The following PRRC2C variants were observed in gnomAD, a reference collection of about 807,000 sequenced individuals.
The protein encoded by PRRC2C is protein PRRC2C.
PRRC2C carries 72 observed loss-of-function variants against 317.2 expected under a neutral mutation model. That is an observed-to-expected ratio of 0.23 (90% confidence interval 0.19 to 0.28). The LOEUF (loss-of-function observed/expected upper bound fraction) is 0.28, where lower values mean the gene tolerates loss of function less well. PRRC2C is among the 10% of genes least tolerant of loss of function. The pLI is 1.00. For missense variants in PRRC2C, 3,074 were observed against 3,459.7 expected (o/e 0.89, Z 2.80); for synonymous variants, 1,296 against 1,205.9 (o/e 1.07, Z -1.55).
intron 33 of PRRC2C, 27 bp from the exon 34 acceptor site, chr1:171,589,331 AACAGTTCAATG>A: frequency 1.8e-6 from 1 of 562,470 alleles, no homozygotes; most frequent in Non-Finnish European, 2.4e-6. Flanking sequence ...TTTTTTTTTT[AACAGTTCAATG>A]TTGTATGTTT....
Position 171,523,536 on chromosome 1 carries a change from T to TA in PRRC2C, c.1055+14_1055+15insA. ...AGAGAATAACAGGTAAGTTGTGATA[T>TA]CTTTTACTAATAACAGTATGAATTT... On this transcript the variant is annotated intron_variant, in intron 9 of 34. Transcript: ENST00000647382. 1 of 1,578,690 alleles carries TA rather than the reference T, an allele frequency of 6.3e-7. No individual in the cohort carries two copies. The highest frequency in any genetic ancestry group is 8.7e-7 in the Non-Finnish European group (1 of 1,151,836).
chr1:171,506,601 C>CTT (rs71107322), intron 1 of PRRC2C, among the ~76,000 whole-genome samples: 55,599 of 135,494 alleles, frequency 0.41, 12,504 homozygotes, highest in South Asian at 0.57. Flanking sequence ...CACTTAAGGT[C>CTT]TTTTTTTTTT....
In PRRC2C at chr1:171,541,830, T is replaced by C. The variant is rs1363357994; in HGVS notation, c.4364T>C (p.Val1455Ala). The C allele has an allele frequency of 6.2e-7, 1 of 1,613,788 alleles. No individual in the cohort carries two copies. Among genetic ancestry groups the C allele is most frequent in the Non-Finnish European group, 8.5e-7 (1 of 1,179,856 alleles). ...REAASKSNEV[V>A]AVPTNGTVNN... is the part of the protein sequence containing the mutation. Reference sequence around the variant, plus strand: ...GCTGCTTCAAAATCAAATGAGGTGGTAGCAGTGCCCACAAATGGCACAGTT... The same window carrying C: ...GCTGCTTCAAAATCAAATGAGGTGGCAGCAGTGCCCACAAATGGCACAGTT... The change falls in exon 16 of 35, where the codon GTA (valine) becomes GCA (alanine). Residue 1455 changes from valine (V) to alanine (A), a missense_variant. Val to Ala is a moderately conservative substitution (Grantham distance 64, BLOSUM62 0). This residue lies in a region of PRRC2C where 1,320 missense variants were observed against 1,395.7 expected (regional missense o/e 0.95). Coordinates refer to ENST00000647382, the MANE Select transcript of PRRC2C (RefSeq NM_001387844.1). The surrounding 1 kb of genome is among the most constrained non-coding windows in gnomAD (Gnocchi z 4.1).
rs76634985 is a variant in PRRC2C at position 171,504,623 on chromosome 1, A to G, written c.-57-7409A>G. ...AGACTCTATTCTGCTCCACTGAACT[A>G]TTTGTCTTATTTTTACACCAGTACC... is the stretch of plus-strand genomic sequence containing the variant. On this transcript the variant is annotated intron_variant, in intron 1 of 34. Transcript: ENST00000647382. Among the ~76,000 whole-genome samples, 1,377 of 151,976 alleles carry G rather than the reference A, an allele frequency of 9.1e-3. 48 individuals are homozygous for G. Among genetic ancestry groups the G allele is most frequent in the East Asian group, 0.068 (352 of 5,166 alleles).
At position 171,587,180 on chromosome 1, in the gene PRRC2C, C is replaced by T; in HGVS notation, c.7927C>T (p.Pro2643Ser). Residue 2643 changes from proline (P) to serine (S), a missense_variant, in exon 31 of 35, where the codon CCT (proline) becomes TCT (serine). Physicochemically the swap from Pro to Ser is moderately conservative, Grantham distance 74. Transcript: ENST00000647382. The stretch of plus-strand genomic sequence containing the variant: ...AAGCCAGCCTTTCAGAGGATTAATT[C>T]CTGCTGGAACACAGCATAGCATGAT... Reference protein sequence around the residue: ...QVSQPFRGLIPAGTQHSMIAT... With the variant: ...QVSQPFRGLISAGTQHSMIAT... The T allele has an allele frequency of 1.9e-6, 3 of 1,608,888 alleles. No individual in the cohort carries two copies. The highest frequency in any genetic ancestry group is 2.5e-6 in the Non-Finnish European group (3 of 1,177,606).
chr1:171,585,474 A>G (rs1458078377), intron 30 of PRRC2C, among the ~76,000 whole-genome samples: 1 of 152,138 alleles, frequency 6.6e-6, no homozygotes, highest in Non-Finnish European at 1.5e-5. Context: ...TCATTTTCTT[A>G]TAACTGTTGT....
intron 10 of PRRC2C, among the ~76,000 whole-genome samples, chr1:171,527,415 G>C (rs966766361): frequency 2.0e-5 from 3 of 152,080 alleles, no homozygotes; most frequent in African/African-American, 7.2e-5. Context: ...TTACACGTGT[G>C]AATCACCGCA....
chr1:171,543,950 A>G (rs1678515934), intron 16 of PRRC2C, among the ~76,000 whole-genome samples: 1 of 152,292 alleles, frequency 6.6e-6, no homozygotes, highest in East Asian at 1.9e-4. Flanking sequence ...AGACCCGTTC[A>G]TGGTAACTAA....
chr1:171,572,567 A>G (rs1234169811), intron 24 of PRRC2C, among the ~76,000 whole-genome samples: 5 of 152,218 alleles, frequency 3.3e-5, no homozygotes, highest in Admixed American at 6.5e-5. Context: ...ATAAAATTTT[A>G]TAAGACAACA....
intron 6 of PRRC2C, among the ~76,000 whole-genome samples, chr1:171,520,411 G>A (rs1398129608): frequency 6.6e-6 from 1 of 152,110 alleles, no homozygotes; most frequent in Non-Finnish European, 1.5e-5. Context: ...TAGGAAAGAG[G>A]GGAAACCACG....
At position 171,535,431 on chromosome 1, in the gene PRRC2C, A is replaced by G. The variant is rs772749050; in HGVS notation, c.1877A>G (p.Glu626Gly). 3.1e-6 allele frequency: 5 copies of G among 1,612,254 alleles called. No homozygotes were observed. The highest frequency in any genetic ancestry group is 4.2e-6 in the Non-Finnish European group (5 of 1,179,386). Residue 626 changes from glutamate (E) to glycine (G), a missense_variant, in exon 13 of 35, where the codon GAG becomes GGG. Transcript: ENST00000647382. The stretch of plus-strand genomic sequence containing the variant: ...CTTTCACCTTTTCTTTGAGCAGAGG[A>G]GGAACCCGTTTTCACTAGACAAGAC... ...QESENSCNKE[E>G]EPVFTRQDSN... is the part of the protein sequence containing the mutation.
At chr1:171,530,277 A>T (rs1388701818) in intron 11 of PRRC2C, among the ~76,000 whole-genome samples, 3 of 126,422 alleles carry the variant, frequency 2.4e-5, no homozygotes, top group Non-Finnish European at 3.2e-5. Flanking sequence ...TGCGCAACAG[A>T]GTCTTGCTCT....
At chr1:171,578,792 G>A (rs1647814361) in intron 26 of PRRC2C, among the ~76,000 whole-genome samples, 1 of 151,806 alleles carries the variant, frequency 6.6e-6, no homozygotes, top group South Asian at 2.1e-4. Flanking sequence ...CCCGGGAGGT[G>A]GAGGTTGCAG....
chr1:171,578,038 C>T (rs1647540781), intron 26 of PRRC2C, among the ~76,000 whole-genome samples: 1 of 150,056 alleles, frequency 6.7e-6, no homozygotes, highest in South Asian at 2.1e-4. Flanking sequence ...TCAAGTGATC[C>T]TCCTGCCTCA....
intron 22 of PRRC2C, 60 bp from the exon 23 acceptor site, chr1:171,568,186 AG>A: frequency 6.6e-7 from 1 of 1,504,684 alleles, no homozygotes; most frequent in Non-Finnish European, 8.9e-7. Context: ...CAAAAAAAAG[AG>A]GAAGAAGTGA....
Position 171,584,206 on chromosome 1 carries a change from G to A in PRRC2C, c.7641+19G>A, listed in dbSNP as rs1649334418. The A allele has an allele frequency of 6.4e-7, 1 of 1,565,338 alleles. No homozygotes were observed. Among genetic ancestry groups the A allele is most frequent in the Non-Finnish European group, 8.8e-7 (1 of 1,137,104 alleles). On this transcript the variant is annotated intron_variant, in intron 29 of 34. Transcript: ENST00000647382. ...TCTCCAGGTAAGTCAGGGGACTAGA[G>A]CAATGCACCCTCATTGTATTCCTAT... is the stretch of plus-strand genomic sequence containing the variant.
chr1:171,535,406 C>T, intron 12 of PRRC2C, 22 bp from the exon 13 acceptor site: 1 of 1,603,012 alleles, frequency 6.2e-7, no homozygotes, highest in Non-Finnish European at 8.5e-7. Context: ...ATACTATTAC[C>T]TTTCACCTTT....
intron 23 of PRRC2C, among the ~76,000 whole-genome samples, chr1:171,571,067 A>G (rs1159012041): frequency 1.3e-5 from 2 of 152,184 alleles, no homozygotes; most frequent in Admixed American, 1.3e-4. Context: ...TACACCTTAT[A>G]TCTGGTGCAG....
intron 1 of PRRC2C, among the ~76,000 whole-genome samples, chr1:171,505,672 G>T (rs968250277): frequency 6.6e-6 from 1 of 152,052 alleles, no homozygotes. Flanking sequence ...GGAACAGAAG[G>T]GCAAGCATAC....
Sources: gnomAD v4.1 joint callset for allele counts (sites outside exome capture counted in the v4.1 genomes callset) on GRCh38, gnomAD v4.1.1 for gene constraint, gnomAD v4.1.1 regional missense constraint, Gnocchi (gnomAD v3.1) non-coding constraint, MANE v1.5 for transcripts, NCBI Gene and HGNC (gene_info 2026-07-23, HGNC 2026-07-21) for gene names.